ADGRL3: variants seen among roughly 807,000 people sequenced by gnomAD.
ADGRL3 encodes calcium-independent alpha-latrotoxin receptor 3.
In ADGRL3, 62 loss-of-function variants were observed where a neutral mutation model predicts 153.5. The observed-to-expected ratio is 0.40, with a 90% CI of 0.33 to 0.50. The LOEUF is 0.50. Ranked by LOEUF, ADGRL3 falls within the 20% of genes least tolerant of loss-of-function variation. The pLI is 0.47. For synonymous variants in ADGRL3, 710 were observed against 672.5 expected, an observed-to-expected ratio of 1.06 and a Z score of -0.86; for missense variants, 1,641 against 1,859.4, an observed-to-expected ratio of 0.88 and a Z score of 2.16.
chr4:61,835,933 C>T (rs919807621), intron 9 of ADGRL3, among the ~76,000 whole-genome samples: 1 of 152,108 alleles, frequency 6.6e-6, no homozygotes, highest in African/African-American at 2.4e-5. Context: ...TTTAACTGCT[C>T]AAGATAATTT....
Position 62,010,068 on chromosome 4 carries a change from G to A in ADGRL3, c.3395+11803G>A, listed in dbSNP as rs745384045. ...AAGCCACCCTCCCACACATGTAGAT[G>A]TTTTCACCACCCTAGAAGCTTCTTG... On this transcript the variant is annotated intron_variant, in intron 21 of 26. Transcript: ENST00000683033. 1.8e-4 allele frequency among the ~76,000 whole-genome samples: 28 copies of A among 152,042 alleles called. 1 individual carries two copies. The highest frequency in any genetic ancestry group is 4.1e-4 in the South Asian group (2 of 4,826).
At chr4:61,811,478 T>C (rs1032647999) in intron 8 of ADGRL3, among the ~76,000 whole-genome samples, 1 of 152,070 alleles carries the variant, frequency 6.6e-6, no homozygotes, top group African/African-American at 2.4e-5. Flanking sequence ...CTAGAGCTGA[T>C]ATGGCTTGGG....
At chr4:62,043,723 G>T (rs1256695501) in intron 24 of ADGRL3, among the ~76,000 whole-genome samples, 1 of 151,686 alleles carries the variant, frequency 6.6e-6, no homozygotes, top group African/African-American at 2.4e-5. Flanking sequence ...TGATATAACA[G>T]AATAAAAAAG....
chr4:61,767,966 T>C (rs947815467), intron 8 of ADGRL3, among the ~76,000 whole-genome samples: 4 of 152,088 alleles, frequency 2.6e-5, no homozygotes, highest in African/African-American at 4.8e-5. Flanking sequence ...GAGTTTTATT[T>C]AATGTCGGGA....
intron 8 of ADGRL3, among the ~76,000 whole-genome samples, chr4:61,800,671 C>A (rs759398498): frequency 3.9e-5 from 6 of 152,084 alleles, no homozygotes; most frequent in African/African-American, 7.2e-5. Flanking sequence ...CATTTCTGGT[C>A]TTTTTCTAAT....
At chr4:61,348,325 G>T (rs1160023399) in intron 1 of ADGRL3, among the ~76,000 whole-genome samples, 1 of 151,886 alleles carries the variant, frequency 6.6e-6, no homozygotes, top group Admixed American at 6.6e-5. Context: ...AATGTATATT[G>T]AGACATTTGT....
chr4:61,617,310 C>T (rs1258104627), intron 5 of ADGRL3, among the ~76,000 whole-genome samples: 1 of 151,990 alleles, frequency 6.6e-6, no homozygotes, highest in Admixed American at 6.6e-5. Flanking sequence ...AAATGGTAGC[C>T]TTTAGAATTT....
Position 61,996,089 on chromosome 4 carries a change from AG to A in ADGRL3, c.3237-199del, listed in dbSNP as rs367930306. Among the ~76,000 whole-genome samples, 642 of 152,180 alleles carry A rather than the reference AG, an allele frequency of 4.2e-3. 5 individuals are homozygous for A. Among genetic ancestry groups the A allele is most frequent in the African/African-American group, 0.014 (594 of 41,546 alleles). On this transcript the variant is annotated intron_variant, in intron 19 of 26. Transcript: ENST00000683033. Reference sequence around the variant, plus strand: ...AGTGCCATATTTTCCTGCTTCCTCCAGGGCTAATTATCTTACTCCATCAATA... The same window carrying A: ...AGTGCCATATTTTCCTGCTTCCTCCAGGCTAATTATCTTACTCCATCAATA...
At chr4:61,405,197 G>A (rs2096978910) in intron 2 of ADGRL3, among the ~76,000 whole-genome samples, 1 of 151,942 alleles carries the variant, frequency 6.6e-6, no homozygotes, top group South Asian at 2.1e-4. Context: ...CAGAAATAAT[G>A]GCAGATTAAA....
chr4:61,671,230 A>G (rs184601145), intron 5 of ADGRL3, among the ~76,000 whole-genome samples: 254 of 152,318 alleles, frequency 1.7e-3, no homozygotes, highest in African/African-American at 5.8e-3. Flanking sequence ...AATAGAGGAA[A>G]AGTTTACCCA....
rs759506829 is a variant in ADGRL3, at chr4:62,037,887, A to G, written c.3717+31A>G. The G allele has an allele frequency of 3.4e-5, 55 of 1,612,728 alleles. No homozygotes were observed. The South Asian group carries it at 5.7e-4, about 17-fold the overall frequency. The stretch of plus-strand genomic sequence containing the variant: ...CAATATTTGTTCACTGAAATGAAGT[A>G]ATTCTTAACTATACCAGTTACTGTC... On this transcript the variant is annotated intron_variant, in intron 24 of 26. Coordinates refer to ENST00000683033, the MANE Select transcript of ADGRL3 (RefSeq NM_001387552.1).
chr4:61,391,634 T>G (rs532345395), intron 2 of ADGRL3, among the ~76,000 whole-genome samples: 40 of 152,234 alleles, frequency 2.6e-4, no homozygotes, highest in South Asian at 4.2e-4. Flanking sequence ...TATTGATTTT[T>G]TTTTTATTTC....
At chr4:61,956,896 A>G (rs2098969174) in intron 17 of ADGRL3, among the ~76,000 whole-genome samples, 1 of 151,966 alleles carries the variant, frequency 6.6e-6, no homozygotes, top group Non-Finnish European at 1.5e-5. Context: ...ATTGGTCTAT[A>G]TGTTTGTTTT....
chr4:61,364,094 G>T (rs930083545), intron 1 of ADGRL3, among the ~76,000 whole-genome samples: 1 of 151,916 alleles, frequency 6.6e-6, no homozygotes, highest in African/African-American at 2.4e-5. Context: ...CACCTTGGGA[G>T]GCCAAGCCGG....
At chr4:61,717,620 T>G (rs947651483) in intron 6 of ADGRL3, among the ~76,000 whole-genome samples, 1 of 152,204 alleles carries the variant, frequency 6.6e-6, no homozygotes, top group Admixed American at 6.5e-5. Flanking sequence ...AAACATTCAA[T>G]AGTTGTTGGC....
At chr4:61,574,574 A>G (rs755288318) in intron 4 of ADGRL3, among the ~76,000 whole-genome samples, 2 of 151,896 alleles carry the variant, frequency 1.3e-5, no homozygotes, top group Non-Finnish European at 2.9e-5. Flanking sequence ...TGGAGATACT[A>G]GAGCACAGCC....
At chr4:61,603,754 T>C (rs980554782) in intron 5 of ADGRL3, among the ~76,000 whole-genome samples, 3 of 143,408 alleles carry the variant, frequency 2.1e-5, no homozygotes, top group Non-Finnish European at 4.6e-5. Flanking sequence ...TTGTTTGTTT[T>C]CCCTGACATC....
intron 25 of ADGRL3, among the ~76,000 whole-genome samples, chr4:62,054,215 G>C (rs1237098233): frequency 6.6e-6 from 1 of 151,630 alleles, no homozygotes; most frequent in Admixed American, 6.6e-5. Context: ...TATTCTTTGA[G>C]TACTATGCAA....
chr4:61,580,450 A>C (rs2098919499), intron 4 of ADGRL3, among the ~76,000 whole-genome samples: 1 of 152,074 alleles, frequency 6.6e-6, no homozygotes, highest in East Asian at 1.9e-4. Context: ...TTTATTTGGT[A>C]ATTTTTCAAT....
Sources: allele counts gnomAD v4.1 joint callset (sites outside exome capture counted in the v4.1 genomes callset), GRCh38; gene constraint gnomAD v4.1.1; transcripts MANE v1.5; gene names NCBI Gene and HGNC (gene_info 2026-07-23, HGNC 2026-07-21).